MYO7B: variants seen among roughly 807,000 people sequenced by gnomAD.
MYO7B encodes the protein unconventional myosin-VIIb.
MYO7B carries 212 observed loss-of-function variants against 259.7 expected under a neutral mutation model. That is an observed-to-expected ratio of 0.82 (90% confidence interval 0.73 to 0.91). The LOEUF (loss-of-function observed/expected upper bound fraction) is 0.91, where lower values mean the gene tolerates loss of function less well. Among genes scored for constraint, MYO7B ranks in the 40% least tolerant of loss-of-function variants. MYO7B has a pLI of 0.00. For missense variants in MYO7B, 2,732 were observed against 2,813.5 expected, an observed-to-expected ratio of 0.97 and a Z score of 0.66; for synonymous variants, 1,197 against 1,166.4, an observed-to-expected ratio of 1.03 and a Z score of -0.54.
chr2:127,602,070 A>G (rs1377350664), intron 19 of MYO7B, among the ~76,000 whole-genome samples: 1 of 151,318 alleles, frequency 6.6e-6, no homozygotes, highest in Non-Finnish European at 1.5e-5. Flanking sequence ...TCGCATTTTT[A>G]TGTTTTCTTT....
intron 1 of MYO7B, among the ~76,000 whole-genome samples, chr2:127,544,535 A>G (rs1283751778): frequency 6.7e-6 from 1 of 150,210 alleles, no homozygotes; most frequent in Non-Finnish European, 1.5e-5. Flanking sequence ...CAGCCTTCCA[A>G]GTAGCTGGGA....
At chr2:127,581,794 T>G in intron 10 of MYO7B, 97 bp from the exon 11 acceptor site, 2 of 1,544,642 alleles carry the variant, frequency 1.3e-6, no homozygotes, top group South Asian at 2.3e-5. Flanking sequence ...CATAGGTGCT[T>G]GGTCACGAGA....
At chr2:127,601,618 A>T (rs1365170666) in intron 19 of MYO7B, among the ~76,000 whole-genome samples, 1 of 148,482 alleles carries the variant, frequency 6.7e-6, no homozygotes, top group African/African-American at 2.5e-5. Context: ...TAATATAGCC[A>T]CTCCTGTTTT....
At chr2:127,538,978 G>A (rs1343696085) in intron 1 of MYO7B, among the ~76,000 whole-genome samples, 1 of 152,188 alleles carries the variant, frequency 6.6e-6, no homozygotes, top group Non-Finnish European at 1.5e-5. Context: ...TTGCAGGGTT[G>A]TTTTACAGAT....
chr2:127,537,135 A>G (rs1455036081), intron 1 of MYO7B, among the ~76,000 whole-genome samples: 1 of 152,242 alleles, frequency 6.6e-6, no homozygotes, highest in East Asian at 1.9e-4. Context: ...CGAGCAGAGG[A>G]GTTTGGCTTT....
chr2:127,578,976 A>G (rs891514), intron 9 of MYO7B, among the ~76,000 whole-genome samples: 133,835 of 152,102 alleles, frequency 0.88, 59,209 homozygotes, highest in East Asian at 0.99. Flanking sequence ...ATTTATAAAC[A>G]AACCACATAG....
chr2:127,612,582 C>T lies in MYO7B; in HGVS notation c.3377C>T (p.Ala1126Val). The T allele has an allele frequency of 1.2e-6, 2 of 1,609,454 alleles. No individual in the cohort carries two copies. The highest frequency in any genetic ancestry group is 1.7e-6 in the Non-Finnish European group (2 of 1,178,292). The stretch of plus-strand genomic sequence containing the variant: ...AAGGTGCACTTCATCGTGGGCTACG[C>T]CATCCTGCGGCCCAGCCTCAGGTCA... ...LEKVHFIVGY[A>V]ILRPSLRDEI... Residue 1126 changes from alanine (A) to valine (V), a missense_variant, in exon 26 of 48, where the codon GCC becomes GTC. Physicochemically the swap from Ala to Val is moderately conservative, Grantham distance 64 (BLOSUM62 0). Transcript: ENST00000409816.
chr2:127,567,818 C>T (rs1558804490), intron 5 of MYO7B, among the ~76,000 whole-genome samples: 1 of 152,134 alleles, frequency 6.6e-6, no homozygotes, highest in Non-Finnish European at 1.5e-5. Context: ...CGGAGACAGA[C>T]AGGCAACAAA....
intron 26 of MYO7B, 26 bp from the exon 27 acceptor site, chr2:127,620,314 C>G (rs1680782042): frequency 6.3e-7 from 1 of 1,591,504 alleles, no homozygotes; most frequent in Non-Finnish European, 8.6e-7. Flanking sequence ...CCCCAGCCTA[C>G]TCTCCTAATG....
intron 26 of MYO7B, among the ~76,000 whole-genome samples, chr2:127,618,188 A>G (rs557157489): frequency 3.3e-5 from 5 of 152,186 alleles, no homozygotes; most frequent in Non-Finnish European, 1.5e-5. Flanking sequence ...TGCCACTGTT[A>G]CTACTTGAGA....
Position 127,608,696 on chromosome 2 carries a change from C to T in MYO7B, c.2644-12C>T, listed in dbSNP as rs753360312. 34 of 1,604,498 alleles carry T rather than the reference C, an allele frequency of 2.1e-5. No homozygotes were observed. The highest frequency in any genetic ancestry group is 1.3e-4 in the East Asian group (6 of 44,622). On this transcript the variant is annotated splice_polypyrimidine_tract_variant and intron_variant, in intron 21 of 47. Transcript: ENST00000409816. ...TGGGCCCCTGGGTAACCTTCCTCCA[C>T]GGGGTATGCAGGCGCCGCTGGTCAT...
In MYO7B at chr2:127,632,323, A is replaced by G. The variant is rs1681566644; in HGVS notation, c.5327A>G (p.His1776Arg). ...LFPPSKGLLP[H>R]AQKFIDTRRG... ...CCGCCCAGCAAGGGGCTGCTGCCCC[A>G]TGCCCAGAAGTTTATAGACACTCGG... Residue 1776 changes from histidine to arginine, a missense_variant, in exon 39 of 48, where the codon CAT (histidine) becomes CGT (arginine). His to Arg is a conservative substitution (Grantham distance 29). Around this residue, in one of 3 missense-constraint regions of MYO7B, gnomAD observed 821 missense variants for 769.3 expected, o/e 1.07. Coordinates refer to ENST00000409816, the MANE Select transcript of MYO7B (RefSeq NM_001393586.1). 6 of 1,608,882 alleles carry G rather than the reference A, an allele frequency of 3.7e-6. No individual in the cohort carries two copies. Among genetic ancestry groups the G allele is most frequent in the Non-Finnish European group, 4.2e-6 (5 of 1,178,510 alleles).
intron 10 of MYO7B, 95 bp from the exon 11 acceptor site, chr2:127,581,796 G>A: frequency 6.4e-7 from 1 of 1,550,850 alleles, no homozygotes; most frequent in Non-Finnish European, 8.7e-7. Flanking sequence ...TAGGTGCTTG[G>A]TCACGAGAGG....
chr2:127,611,716 G>A lies in MYO7B; in HGVS notation c.3193-534G>A, dbSNP rs1422058688. ...TCTCATGACGCCATCATGAGAAGGG[G>A]CGGCCTCTGCCTAAGGAGAGCAACA... is the stretch of plus-strand genomic sequence containing the variant. On this transcript the variant is annotated intron_variant, in intron 24 of 47. Transcript: ENST00000409816. The surrounding 1 kb of genome is among the most constrained non-coding windows in gnomAD (Gnocchi z 5.4). Among the ~76,000 whole-genome samples, 1 of 152,182 alleles carries A rather than the reference G, an allele frequency of 6.6e-6. No individual in the cohort carries two copies. Among genetic ancestry groups the A allele is most frequent in the Non-Finnish European group, 1.5e-5 (1 of 68,018 alleles).
At position 127,632,348 on chromosome 2, in the gene MYO7B, G is replaced by A; in HGVS notation, c.5352G>A (p.Arg1784=). 6.2e-7 allele frequency: 1 copy of A among 1,601,170 alleles called. No individual in the cohort carries two copies. ...LPHAQKFIDT[R]RGKLLAPDCS... is the part of the protein sequence containing the mutation. ...ATGCCCAGAAGTTTATAGACACTCG[G>A]AGGGGGAAGCTGCTGGCCCCCGACT... The change falls in exon 39 of 48, where the codon CGG becomes CGA. Residue 1784 remains arginine, a synonymous_variant. Coordinates refer to ENST00000409816, the MANE Select transcript of MYO7B (RefSeq NM_001393586.1).
chr2:127,619,095 G>C (rs1349578435), intron 26 of MYO7B, among the ~76,000 whole-genome samples: 17 of 140,508 alleles, frequency 1.2e-4, no homozygotes, highest in African/African-American at 4.5e-4. Flanking sequence ...GTTGGGTTGT[G>C]GGGGCTGGTT....
At position 127,576,317 on chromosome 2, in the gene MYO7B, T is replaced by A. The variant is rs1298142191; in HGVS notation, c.736-278T>A. Among the ~76,000 whole-genome samples, 3 of 152,146 alleles carry A rather than the reference T, an allele frequency of 2.0e-5. No individual in the cohort carries two copies. The highest frequency in any genetic ancestry group is 7.2e-5 in the African/African-American group (3 of 41,408). The stretch of plus-strand genomic sequence containing the variant: ...GAGAGCCCCGACTCTGTGCCATCAC[T>A]CCTGGCCTGGAGACTTTGGGCACAG... On this transcript the variant is annotated intron_variant, in intron 7 of 47. Transcript: ENST00000409816. The surrounding 1 kb of genome is among the most constrained non-coding windows in gnomAD (Gnocchi z 4.9).
chr2:127,545,251 T>C (rs1693177347), intron 1 of MYO7B, among the ~76,000 whole-genome samples: 1 of 152,246 alleles, frequency 6.6e-6, no homozygotes, highest in Admixed American at 6.5e-5. Flanking sequence ...GTTTAAATTT[T>C]TGATAGATGT....
Position 127,634,671 on chromosome 2 carries a change from C to G in MYO7B, c.5701C>G (p.Pro1901Ala), listed in dbSNP as rs757784779. 1.9e-6 allele frequency: 3 copies of G among 1,610,652 alleles called. No individual in the cohort carries two copies. The highest frequency in any genetic ancestry group is 2.5e-6 in the Non-Finnish European group (3 of 1,179,112). The change falls in exon 42 of 48, where the codon CCC becomes GCC. Residue 1901 changes from proline to alanine, a missense_variant. By Grantham distance (27) the Pro-to-Ala change is conservative (BLOSUM62 -1). Around this residue, in one of 3 missense-constraint regions of MYO7B, gnomAD observed 821 missense variants for 769.3 expected, o/e 1.07. Transcript: ENST00000409816. ...EVSDWVKKNK[P>A]QKEGAPVTLP... ...GTCTGACTGGGTGAAGAAGAACAAG[C>G]CCCAGAAAGAAGGTGAGGAGGCCTC...
Sources: allele counts gnomAD v4.1 joint callset (sites outside exome capture counted in the v4.1 genomes callset), GRCh38; gene constraint gnomAD v4.1.1; regional missense constraint gnomAD v4.1.1; non-coding constraint Gnocchi (gnomAD v3.1); transcripts MANE v1.5; gene names NCBI Gene and HGNC (gene_info 2026-07-23, HGNC 2026-07-21).